Variants in DPYD observed in about 807,000 individuals in gnomAD.
The protein encoded by DPYD is dihydropyrimidine dehydrogenase [NADP(+)].
A neutral mutation model predicts 116.2 loss-of-function variants in DPYD; 109 were observed. The ratio of observed to expected loss-of-function variants is 0.94; its 90% CI spans 0.80 to 1.10. The LOEUF is 1.10. Among genes scored for constraint, DPYD ranks in the 50% least tolerant of loss-of-function variants. The probability of loss-of-function intolerance (pLI) is 0.00; values close to 1 mark genes in which losing one functional copy is unlikely to be tolerated. For synonymous variants in DPYD, 440 were observed against 432.0 expected, an observed-to-expected ratio of 1.02 and a Z score of -0.23; for missense variants, 1,302 against 1,254.5, an observed-to-expected ratio of 1.04 and a Z score of -0.57.
intron 13 of DPYD, among the ~76,000 whole-genome samples, chr1:97,471,286 C>T (rs962171656): frequency 1.3e-5 from 2 of 151,828 alleles, no homozygotes; most frequent in Non-Finnish European, 2.9e-5. Flanking sequence ...AGATGGGGGT[C>T]CCAGGACAGG....
At chr1:97,388,272 G>T (rs1570645828) in intron 14 of DPYD, among the ~76,000 whole-genome samples, 1 of 152,158 alleles carries the variant, frequency 6.6e-6, no homozygotes, top group East Asian at 1.9e-4. Context: ...TATTTAGTAT[G>T]TCTAGTAAGC....
chr1:97,850,032 A>T (rs1341686581), intron 2 of DPYD, among the ~76,000 whole-genome samples: 1 of 152,224 alleles, frequency 6.6e-6, no homozygotes, highest in Non-Finnish European at 1.5e-5. Context: ...CAAATTAGAT[A>T]AACAAACACA....
intron 14 of DPYD, among the ~76,000 whole-genome samples, chr1:97,416,554 A>G (rs1240502081): frequency 2.0e-5 from 3 of 152,330 alleles, no homozygotes; most frequent in African/African-American, 7.2e-5. Context: ...TGGATCCTAG[A>G]ATACTTTGAA....
intron 16 of DPYD, among the ~76,000 whole-genome samples, chr1:97,334,362 C>T (rs1344456009): frequency 2.6e-5 from 4 of 152,128 alleles, no homozygotes; most frequent in Non-Finnish European, 5.9e-5. Context: ...GCAACTGCTC[C>T]AGATGTACAA....
intron 20 of DPYD, among the ~76,000 whole-genome samples, chr1:97,167,513 C>A (rs190096474): frequency 2.0e-5 from 3 of 152,178 alleles, no homozygotes; most frequent in Non-Finnish European, 4.4e-5. Flanking sequence ...TTTCTATATT[C>A]TACAAAAGTC....
rs375452759 is a variant in DPYD, at chr1:97,487,662, G to A, written c.1740+28064C>T. On this transcript the variant is annotated intron_variant, in intron 13 of 22. Coordinates refer to ENST00000370192, the MANE Select transcript of DPYD (RefSeq NM_000110.4). ...CACTCCAGCCTGGGCGACAGAGCGC[G>A]ACTCTGTCTCAAAAAACAAAACAAA... 1.1e-3 allele frequency among the ~76,000 whole-genome samples: 162 copies of A among 152,192 alleles called. 2 individuals are homozygous for A. Among genetic ancestry groups the A allele is most frequent in the African/African-American group, 3.7e-3 (153 of 41,508 alleles).
At chr1:97,546,732 T>C in intron 12 of DPYD, 1 of 1,613,168 alleles carries the variant, frequency 6.2e-7, no homozygotes, top group East Asian at 2.2e-5. Flanking sequence ...TGAAGTTTCC[T>C]GCACCAGGCA....
rs1665476505 is a variant in DPYD at position 97,759,867 on chromosome 1, C to A, written c.234-19388G>T. On this transcript the variant is annotated intron_variant, in intron 3 of 22. Transcript: ENST00000370192. ...ATCAGAATGTGATCCATAACTTACA[C>A]AATAACCATATTATTGGACAGCAAA... is the stretch of plus-strand genomic sequence containing the variant. Among the ~76,000 whole-genome samples, 3 of 152,206 alleles carry A rather than the reference C, an allele frequency of 2.0e-5. No individual in the cohort carries two copies. In the South Asian group the frequency reaches 6.2e-4, roughly 32 times the overall value.
chr1:97,703,256 A>G (rs1050131146), intron 5 of DPYD, among the ~76,000 whole-genome samples: 1 of 152,012 alleles, frequency 6.6e-6, no homozygotes, highest in African/African-American at 2.4e-5. Context: ...GAATTTCAGC[A>G]CAACAGATGG....
intron 1 of DPYD, among the ~76,000 whole-genome samples, chr1:97,920,272 C>T (rs1398753811): frequency 6.6e-6 from 1 of 151,948 alleles, no homozygotes; most frequent in Non-Finnish European, 1.5e-5. Context: ...AATCAAAAAC[C>T]GTTGAGAGGA....
At position 97,082,318 on chromosome 1, in the gene DPYD, C is replaced by G. The variant is rs1175449124; in HGVS notation, c.2907+12G>C. The stretch of plus-strand genomic sequence containing the variant: ...ATGTCTCATAGCATTCTAATTCCAG[C>G]AGGATTCTTACCTGGTAGCCAGAAT... On this transcript the variant is annotated intron_variant, in intron 22 of 22. Coordinates refer to ENST00000370192, the MANE Select transcript of DPYD (RefSeq NM_000110.4). The G allele has an allele frequency of 6.2e-7, 1 of 1,613,256 alleles. No individual in the cohort carries two copies. Among genetic ancestry groups the G allele is most frequent in the East Asian group, 2.2e-5 (1 of 44,826 alleles).
Position 97,691,578 on chromosome 1 carries a change from G to T in DPYD, c.762+139C>A, listed in dbSNP as rs369793734. The T allele has an allele frequency of 5.1e-5, 37 of 725,524 alleles. No individual in the cohort carries two copies. In the East Asian group the frequency reaches 5.3e-4, roughly 10 times the overall value. The allele number at this position is 725,524 out of a possible 1,614,324, so 44.9% of individuals were successfully genotyped here. ...AGACAGACAAATGCCCTAAGCAAGG[G>T]GAAGCATCTTTCTGCTTCTGCCTGA... On this transcript the variant is annotated intron_variant, in intron 7 of 22. Coordinates refer to ENST00000370192, the MANE Select transcript of DPYD (RefSeq NM_000110.4).
At chr1:97,552,147 T>G (rs1361851899) in intron 11 of DPYD, among the ~76,000 whole-genome samples, 1 of 152,028 alleles carries the variant, frequency 6.6e-6, no homozygotes, top group Non-Finnish European at 1.5e-5. Context: ...ATGGGACTCT[T>G]TCAAAGCCCT....
chr1:97,621,715 GC>G (rs1656643505), intron 8 of DPYD, among the ~76,000 whole-genome samples: 1 of 151,920 alleles, frequency 6.6e-6, no homozygotes, highest in East Asian at 1.9e-4. Flanking sequence ...AGAAATCAGG[GC>G]CCCCTTGGAG....
chr1:97,492,968 G>A (rs1377098799), intron 13 of DPYD, among the ~76,000 whole-genome samples: 1 of 152,120 alleles, frequency 6.6e-6, no homozygotes, highest in African/African-American at 2.4e-5. Context: ...TAATGATACC[G>A]AAGGGGAAAG....
intron 20 of DPYD, among the ~76,000 whole-genome samples, chr1:97,116,383 G>A (rs942904873): frequency 6.6e-6 from 1 of 152,060 alleles, no homozygotes; most frequent in Admixed American, 6.6e-5. Context: ...GATGTAAAAT[G>A]ACAAATTGGT....
Position 97,173,303 on chromosome 1 carries a change from C to CAT in DPYD, c.2622+19764_2622+19765dup, listed in dbSNP as rs1491441341. ...GCACACATATATGTACACATATGTA[C>CAT]ATATATATGCACACATATATACACA... On this transcript the variant is annotated intron_variant, in intron 20 of 22. Transcript: ENST00000370192. Among the ~76,000 whole-genome samples, 4 of 87,912 alleles carry CAT rather than the reference C, an allele frequency of 4.6e-5. No homozygotes were observed. In the East Asian group the frequency reaches 1.5e-3, roughly 33 times the overall value. 57.7% of individuals were successfully genotyped at this position (87,912 alleles called of 152,430 possible). A position where few individuals can be genotyped will look rare whatever the true frequency, so the allele number is the denominator to read the frequency against.
At chr1:97,432,809 T>C (rs1042888559) in intron 14 of DPYD, among the ~76,000 whole-genome samples, 3 of 152,160 alleles carry the variant, frequency 2.0e-5, no homozygotes, top group Non-Finnish European at 4.4e-5. Flanking sequence ...GAGTCTGGGT[T>C]GTGCCGCTGC....
intron 2 of DPYD, among the ~76,000 whole-genome samples, chr1:97,838,326 T>TA: frequency 6.6e-6 from 1 of 152,272 alleles, no homozygotes; most frequent in South Asian, 2.1e-4. Context: ...TAAATCCAGA[T>TA]ATAATAGCAA....
Sources: allele counts gnomAD v4.1 joint callset (sites outside exome capture counted in the v4.1 genomes callset), GRCh38; gene constraint gnomAD v4.1.1; transcripts MANE v1.5; gene names NCBI Gene and HGNC (gene_info 2026-07-23, HGNC 2026-07-21).